Variants in SLC9C2 observed in about 807,000 individuals in gnomAD.
SLC9C2 encodes sodium/hydrogen exchanger 11.
In SLC9C2, 75 loss-of-function variants were observed where a neutral mutation model predicts 140.2. That is an observed-to-expected ratio of 0.53 (90% CI 0.44 to 0.65). The LOEUF (loss-of-function observed/expected upper bound fraction) is 0.65, where lower values mean the gene tolerates loss of function less well. SLC9C2 is among the 30% of genes least tolerant of loss of function. The probability of loss-of-function intolerance (pLI) is 0.00; values close to 1 mark genes in which losing one functional copy is unlikely to be tolerated. For synonymous variants in SLC9C2, 375 were observed against 420.9 expected, an observed-to-expected ratio of 0.89 and a Z score of 1.34; for missense variants, 1,074 against 1,331.8, an observed-to-expected ratio of 0.81 and a Z score of 3.01.
At chr1:173,502,272 CAAAAAAAAAAA>C (rs34183286) in intron 27 of SLC9C2, among the ~76,000 whole-genome samples, 4 of 40,782 alleles carry the variant, frequency 9.8e-5, no homozygotes, top group African/African-American at 1.5e-4. Context: ...GATTCCATCT[CAAAAAAAAAAA>C]AAAAAAAAAA....
chr1:173,558,334 T>A (rs1663853929), intron 9 of SLC9C2, among the ~76,000 whole-genome samples: 1 of 152,196 alleles, frequency 6.6e-6, no homozygotes. Flanking sequence ...AACGTGACTC[T>A]TACCAACCTT....
At chr1:173,525,015 C>A in intron 19 of SLC9C2, 88 bp from the exon 20 acceptor site, 2 of 1,329,728 alleles carry the variant, frequency 1.5e-6, no homozygotes, top group South Asian at 1.6e-5. Context: ...ATTTCCAAAG[C>A]ATTTACACAA....
chr1:173,535,769 T>C, intron 15 of SLC9C2, 61 bp downstream of exon 15: 1 of 1,430,936 alleles, frequency 7.0e-7, no homozygotes, highest in Non-Finnish European at 9.3e-7. Context: ...TAAGCTATTA[T>C]GACAATGTAG....
chr1:173,509,428 G>A, intron 24 of SLC9C2, 140 bp downstream of exon 24: 1 of 682,058 alleles, frequency 1.5e-6, no homozygotes, highest in Non-Finnish European at 2.2e-6. Flanking sequence ...CTGGGCAACA[G>A]AGTGAGCCTC....
rs1413857942 is a variant in SLC9C2 at position 173,536,986 on chromosome 1, C to A, written c.1611G>T (p.Arg537=). 6.2e-7 allele frequency: 1 copy of A among 1,613,756 alleles called. No homozygotes were observed. Among genetic ancestry groups the A allele is most frequent in the Middle Eastern group, 1.7e-4 (1 of 6,044 alleles). Residue 537 remains arginine (R), a synonymous_variant, in exon 14 of 28, where the codon CGG becomes CGT. Transcript: ENST00000367714. ...AGCATTTTGCTGCACCAATTAATAT[C>A]CGGGCTGCCTCTATTTCAAGAATTC... ...NNGILEIEAA[R]ILIGAAKCYY...
chr1:173,563,545 T>A (rs1664256176), intron 9 of SLC9C2, among the ~76,000 whole-genome samples: 1 of 152,158 alleles, frequency 6.6e-6, no homozygotes, highest in Admixed American at 6.5e-5. Flanking sequence ...AGTAAAAAAG[T>A]ATATTAAAAA....
chr1:173,507,409 C>T (rs1369659316), intron 24 of SLC9C2, among the ~76,000 whole-genome samples: 1 of 152,064 alleles, frequency 6.6e-6, no homozygotes, highest in Non-Finnish European at 1.5e-5. Flanking sequence ...ATAGGAATAA[C>T]ACAAAGCCAA....
intron 3 of SLC9C2, among the ~76,000 whole-genome samples, 176 bp downstream of exon 3, chr1:173,599,941 T>C (rs1032548372): frequency 7.2e-5 from 11 of 152,172 alleles, no homozygotes; most frequent in Non-Finnish European, 1.6e-4. Context: ...GAAGTTTCCC[T>C]AATTGATGTG....
At chr1:173,501,991 T>C (rs1659305527) in intron 27 of SLC9C2, among the ~76,000 whole-genome samples, 1 of 152,190 alleles carries the variant, frequency 6.6e-6, no homozygotes, top group South Asian at 2.1e-4. Flanking sequence ...TTGCTGTTTA[T>C]GGCTGGGCGC....
chr1:173,592,450 G>A (rs1666218931), intron 4 of SLC9C2, among the ~76,000 whole-genome samples: 1 of 151,996 alleles, frequency 6.6e-6, no homozygotes, highest in Non-Finnish European at 1.5e-5. Context: ...AATTGCTTTG[G>A]GTAGCCATTT....
At chr1:173,581,441 G>T (rs1427576687) in intron 7 of SLC9C2, among the ~76,000 whole-genome samples, 1 of 152,116 alleles carries the variant, frequency 6.6e-6, no homozygotes, top group Non-Finnish European at 1.5e-5. Flanking sequence ...TCTCAATTTG[G>T]CATCCATTGA....
At chr1:173,502,510 C>A (rs1480157906) in intron 27 of SLC9C2, among the ~76,000 whole-genome samples, 1 of 152,122 alleles carries the variant, frequency 6.6e-6, no homozygotes. Flanking sequence ...ATGAGCCCTG[C>A]AGGCTGCCCC....
chr1:173,517,663 T>C lies in SLC9C2; in HGVS notation c.2781A>G (p.Gln927=). The C allele has an allele frequency of 6.2e-7, 1 of 1,613,596 alleles. No individual in the cohort carries two copies. The highest frequency in any genetic ancestry group is 1.1e-5 in the South Asian group (1 of 90,924). The part of the protein sequence containing the change: ...LSPTFGIESN[Q]RCDRGSRDMF... ...TGTCTCTGGACCCTCTATCACACCT[T>C]TGATTACTCTCTATTCCAAAGGTAG... The change falls in exon 23 of 28, where the codon CAA becomes CAG. Residue 927 remains glutamine (Q), a synonymous_variant. Coordinates refer to ENST00000367714, the MANE Select transcript of SLC9C2 (RefSeq NM_178527.4).
rs571637627 is a variant in SLC9C2 at position 173,592,170 on chromosome 1, C to T, written c.358-4340G>A. On this transcript the variant is annotated intron_variant, in intron 4 of 27. Transcript: ENST00000367714. ...TTTATCAGCTTTGTTGAAGATCAGACGGTTTTAGGTGTGCAGCCTTATTTT... is the reference window on the plus strand; with the variant it reads ...TTTATCAGCTTTGTTGAAGATCAGATGGTTTTAGGTGTGCAGCCTTATTTT... Among the ~76,000 whole-genome samples, 13 of 152,126 alleles carry T rather than the reference C, an allele frequency of 8.5e-5. No individual in the cohort carries two copies. In the South Asian group the frequency reaches 1.9e-3, roughly 22 times the overall value.
chr1:173,527,315 T>G (rs1188947034), intron 18 of SLC9C2, among the ~76,000 whole-genome samples: 1 of 152,194 alleles, frequency 6.6e-6, no homozygotes, highest in Non-Finnish European at 1.5e-5. Flanking sequence ...ATAACTACCT[T>G]GCCTAATAGT....
chr1:173,568,160 A>G (rs2102157901), intron 9 of SLC9C2, among the ~76,000 whole-genome samples: 1 of 152,268 alleles, frequency 6.6e-6, no homozygotes, highest in East Asian at 1.9e-4. Flanking sequence ...TTGGGAGTAC[A>G]CGTGAAGGTT....
intron 5 of SLC9C2, among the ~76,000 whole-genome samples, chr1:173,585,040 A>G (rs540827831): frequency 3.2e-4 from 49 of 152,318 alleles, no homozygotes; most frequent in African/African-American, 1.0e-3. Context: ...ACCATTTTAA[A>G]GTTGAAGTCC....
intron 11 of SLC9C2, among the ~76,000 whole-genome samples, chr1:173,554,050 T>C (rs902100787): frequency 2.6e-5 from 4 of 152,264 alleles, no homozygotes; most frequent in Non-Finnish European, 4.4e-5. Flanking sequence ...ATTATATTTA[T>C]GCATTTTATT....
At chr1:173,575,549 A>G (rs1227181753) in intron 8 of SLC9C2, among the ~76,000 whole-genome samples, 1 of 152,022 alleles carries the variant, frequency 6.6e-6, no homozygotes, top group Non-Finnish European at 1.5e-5. Flanking sequence ...TTAGGTGCCC[A>G]TGTTTTTTGT....
Sources: gnomAD v4.1 joint callset for allele counts (sites outside exome capture counted in the v4.1 genomes callset) on GRCh38, gnomAD v4.1.1 for gene constraint, MANE v1.5 for transcripts, NCBI Gene and HGNC (gene_info 2026-07-23, HGNC 2026-07-21) for gene names.